STAB1: variants seen among roughly 807,000 people sequenced by gnomAD.
The protein encoded by STAB1 is stabilin 1, also known as stabilin-1.
In STAB1, 250 loss-of-function variants were observed where a neutral mutation model predicts 332.4. The observed-to-expected ratio is 0.75, with a 90% CI of 0.68 to 0.84. The LOEUF is 0.84. STAB1 is among the 40% of genes least tolerant of loss of function. The pLI is 0.00. For missense variants in STAB1, 3,249 were observed against 3,489.7 expected, an observed-to-expected ratio of 0.93 and a Z score of 1.74; for synonymous variants, 1,475 against 1,390.4, an observed-to-expected ratio of 1.06 and a Z score of -1.35.
In STAB1 at chr3:52,519,696, G is replaced by A. The variant is rs539875042; in HGVS notation, c.5235+132G>A. On this transcript the variant is annotated intron_variant, in intron 50 of 68. Coordinates refer to ENST00000321725, the MANE Select transcript of STAB1 (RefSeq NM_015136.3). ...CCCGTGTGAGCCTGTGTGAACTCAT[G>A]TGTGCACAAGCCACATCTGTGTGCA... is the stretch of plus-strand genomic sequence containing the variant. 1.3e-5 allele frequency: 17 copies of A among 1,346,762 alleles called. No individual in the cohort carries two copies. The African/African-American group carries it at 1.9e-4, about 15-fold the overall frequency. 83.4% of individuals were successfully genotyped at this position (1,346,762 alleles called of 1,614,324 possible). A position where few individuals can be genotyped will look rare whatever the true frequency, so the allele number is the denominator to read the frequency against.
chr3:52,501,368 G>A, intron 2 of STAB1, 66 bp downstream of exon 2: 1 of 1,581,040 alleles, frequency 6.3e-7, no homozygotes, highest in Non-Finnish European at 8.6e-7. Flanking sequence ...GACTCGGGGA[G>A]CCTGACAGGC....
At position 52,513,140 on chromosome 3, in the gene STAB1, C is replaced by A; in HGVS notation, c.3169C>A (p.Leu1057Ile). The A allele has an allele frequency of 6.4e-7, 1 of 1,568,592 alleles. No homozygotes were observed. The highest frequency in any genetic ancestry group is 1.2e-5 in the South Asian group (1 of 85,372). The stretch of plus-strand genomic sequence containing the variant: ...ACTGTGCCCTGTCAGGGCCCATTTT[C>A]TCCAGGGTGCCCTCTTCGAGGAGGA... ...TLPNLVRAHFLQGALFEEELA... is the reference protein window; with the variant it reads ...TLPNLVRAHFIQGALFEEELA... The change falls in exon 30 of 69, where the codon CTC (leucine) becomes ATC (isoleucine). Residue 1057 changes from leucine (L) to isoleucine (I), a missense_variant. Leu to Ile is a conservative substitution (Grantham distance 5). Transcript: ENST00000321725.
chr3:52,521,758 G>C, intron 57 of STAB1, 58 bp downstream of exon 57: 1 of 1,606,544 alleles, frequency 6.2e-7, no homozygotes, highest in South Asian at 1.1e-5. Context: ...GCACACATCA[G>C]TAAAGGCACC....
At chr3:52,506,416 G>C (rs1041650342) in intron 17 of STAB1, among the ~76,000 whole-genome samples, 166 bp downstream of exon 17, 1 of 152,254 alleles carries the variant, frequency 6.6e-6, no homozygotes, top group African/African-American at 2.4e-5. Context: ...CTCTGCTGGG[G>C]CCCAATGAGA....
chr3:52,513,684 C>T, intron 30 of STAB1, 33 bp from the exon 31 acceptor site: 1 of 1,603,402 alleles, frequency 6.2e-7, no homozygotes. Flanking sequence ...TATCTGTGCC[C>T]ACCTGTGGCT....
At position 52,513,745 on chromosome 3, in the gene STAB1, A is replaced by G. The variant is rs1476160634; in HGVS notation, c.3299A>G (p.Asp1100Gly). The change falls in exon 31 of 69, where the codon GAT (aspartate) becomes GGT (glycine). Residue 1100 changes from aspartate to glycine, a missense_variant. Asp to Gly is a moderately conservative substitution (Grantham distance 94). Coordinates refer to ENST00000321725, the MANE Select transcript of STAB1 (RefSeq NM_015136.3). ...GTCTGGGTGCAGAATGCCAGCGTGG[A>G]TGTGGCTGACCTCCTTGCCACCAAC... is the stretch of plus-strand genomic sequence containing the variant. Reference protein sequence around the residue: ...GRVWVQNASVDVADLLATNGV... With the variant: ...GRVWVQNASVGVADLLATNGV... 6 of 1,613,290 alleles carry G rather than the reference A, an allele frequency of 3.7e-6. No individual in the cohort carries two copies. Among genetic ancestry groups the G allele is most frequent in the Non-Finnish European group, 5.1e-6 (6 of 1,180,000 alleles).
chr3:52,503,662 G>T lies in STAB1; in HGVS notation c.892-110G>T, dbSNP rs987945720. 5.7e-6 allele frequency: 9 copies of T among 1,568,038 alleles called. No homozygotes were observed. The African/African-American group carries it at 9.4e-5, about 16-fold the overall frequency. ...TTCCCCACTTGTAAAGTGGGGAGAG[G>T]ATAAGGGTCCTCTTCAGGGAGGGGC... On this transcript the variant is annotated intron_variant, in intron 8 of 68. Coordinates refer to ENST00000321725, the MANE Select transcript of STAB1 (RefSeq NM_015136.3).
rs763846866 is a variant in STAB1, at chr3:52,520,229, TG to T, written c.5441del (p.Gly1814AlafsTer70). 6.2e-6 allele frequency: 10 copies of T among 1,613,146 alleles called. No homozygotes were observed. On this transcript the variant is annotated frameshift_variant, in exon 52 of 69. Transcript: ENST00000321725. LOFTEE classifies it high-confidence loss of function. The stretch of plus-strand genomic sequence containing the variant: ...GCCTTGGCATCTGACCTGCCCAACC[TG>T]GGCCCACTTCGAACCATGCATGGGA... The part of the protein sequence containing the change: ...VEALASDLPN[L>X]GPLRTMHGTP...
Position 52,503,530 on chromosome 3 carries a change from A to G in STAB1, c.881A>G (p.Lys294Arg), listed in dbSNP as rs747493126. 6.2e-7 allele frequency: 1 copy of G among 1,613,292 alleles called. No homozygotes were observed. The highest frequency in any genetic ancestry group is 1.7e-5 in the Admixed American group (1 of 60,022). The change falls in exon 8 of 69, where the codon AAG (lysine) becomes AGG (arginine). Residue 294 changes from lysine to arginine, a missense_variant. By Grantham distance (26) the Lys-to-Arg change is conservative. Coordinates refer to ENST00000321725, the MANE Select transcript of STAB1 (RefSeq NM_015136.3). Reference sequence around the variant, plus strand: ...AACTCTACTTTGTGTGTGTACCAGAAGCCGGGCCAGGTGAGCCAGGGTCCC... The same window carrying G: ...AACTCTACTTTGTGTGTGTACCAGAGGCCGGGCCAGGTGAGCCAGGGTCCC... ...PSNSTLCVYQ[K>R]PGQAFCTCRP...
At chr3:52,519,638 C>G in intron 50 of STAB1, 74 bp downstream of exon 50, 4 of 1,573,088 alleles carry the variant, frequency 2.5e-6, no homozygotes, top group Non-Finnish European at 3.5e-6. Flanking sequence ...GTATGCGTAC[C>G]TGTGTGTGCA....
In STAB1 at chr3:52,511,690, ACCAGTGCAGCC is replaced by A; in HGVS notation, c.2832_2842del (p.Gln944HisfsTer36). 6.2e-7 allele frequency: 1 copy of A among 1,610,752 alleles called. No homozygotes were observed. Among genetic ancestry groups the A allele is most frequent in the Non-Finnish European group, 8.5e-7 (1 of 1,178,698 alleles). On this transcript the variant is annotated frameshift_variant, in exon 26 of 69. Coordinates refer to ENST00000321725, the MANE Select transcript of STAB1 (RefSeq NM_015136.3). LOFTEE classifies it high-confidence loss of function. ...AAGCTGGGCTTTGCCGGGGATGGCT[ACCAGTGCAGCC>A]CCATCGACCCCTGCCGGGCAGGCAA...
chr3:52,501,797 C>T (rs1330597222), intron 3 of STAB1, 44 bp downstream of exon 3: 3 of 1,531,658 alleles, frequency 2.0e-6, no homozygotes, highest in Admixed American at 3.9e-5. Flanking sequence ...CCCACCCAGC[C>T]CCAGCTCTGG....
chr3:52,509,079 G>T, intron 21 of STAB1, 131 bp from the exon 22 acceptor site: 1 of 784,666 alleles, frequency 1.3e-6, no homozygotes, highest in Non-Finnish European at 2.0e-6. Context: ...TGATTTTGAA[G>T]ATCCCTTCCA....
chr3:52,509,138 A>C, intron 21 of STAB1, 72 bp from the exon 22 acceptor site: 2 of 1,375,732 alleles, frequency 1.5e-6, no homozygotes, highest in South Asian at 1.3e-5. Context: ...CCATGAAAGG[A>C]GGGGGTGTTG....
chr3:52,505,661 A>G lies in STAB1; in HGVS notation c.1582-7A>G, dbSNP rs111466273. The G allele has an allele frequency of 6.5e-3, 10,541 of 1,612,830 alleles. 78 individuals carry two copies. The highest frequency in any genetic ancestry group is 0.025 in the South Asian group (2,239 of 91,028). The stretch of plus-strand genomic sequence containing the variant: ...CAACCCCCTGAGCCTCCCTTGCACC[A>G]CCACAGAACTGTGGGCTGCCCTCCA... On this transcript the variant is annotated splice_polypyrimidine_tract_variant and splice_region_variant and intron_variant, in intron 14 of 68. Coordinates refer to ENST00000321725, the MANE Select transcript of STAB1 (RefSeq NM_015136.3).
intron 28 of STAB1, 71 bp downstream of exon 28, chr3:52,512,714 A>G: frequency 1.2e-6 from 2 of 1,611,976 alleles, no homozygotes; most frequent in Non-Finnish European, 1.7e-6. Context: ...GGGGTGCCAT[A>G]TAACATCTCC....
At chr3:52,510,551 A>C in intron 25 of STAB1, 44 bp downstream of exon 25, 1 of 1,578,542 alleles carries the variant, frequency 6.3e-7, no homozygotes. Flanking sequence ...GTTCTGGGGG[A>C]CTCTCTCCCT....
Position 52,519,293 on chromosome 3 carries a change from C to G in STAB1, c.5064C>G (p.Arg1688=). 1 of 1,613,040 alleles carries G rather than the reference C, an allele frequency of 6.2e-7. No individual in the cohort carries two copies. The highest frequency in any genetic ancestry group is 8.5e-7 in the Non-Finnish European group (1 of 1,179,992). ...EGSIYLNDFA[R]VVSSDHEAVN... ...GCATATACCTCAATGACTTCGCGCGCGTGGTGAGCAGCGACCATGAGGCCG... is the reference window on the plus strand; with the variant it reads ...GCATATACCTCAATGACTTCGCGCGGGTGGTGAGCAGCGACCATGAGGCCG... Residue 1688 remains arginine (R), a synonymous_variant, in exon 49 of 69, where the codon CGC becomes CGG. Transcript: ENST00000321725.
In STAB1 at chr3:52,523,079, A is replaced by T. The variant is rs767585623; in HGVS notation, c.6965A>T (p.Asn2322Ile). The change falls in exon 63 of 69, where the codon AAT becomes ATT. Residue 2322 changes from asparagine to isoleucine, a missense_variant. Physicochemically the swap from Asn to Ile is moderately radical, Grantham distance 149. Transcript: ENST00000321725. ...GFVGDGISTC[N>I]GKLLDVLAAT... ...GTGGGTGACGGGATCAGCACGTGCAATGGGAAGCTGCTGGATGTGCTGGCT... is the reference window on the plus strand; with the variant it reads ...GTGGGTGACGGGATCAGCACGTGCATTGGGAAGCTGCTGGATGTGCTGGCT... 3 of 1,571,462 alleles carry T rather than the reference A, an allele frequency of 1.9e-6. No individual in the cohort carries two copies. Among genetic ancestry groups the T allele is most frequent in the East Asian group, 2.2e-5 (1 of 44,520 alleles).
Sources: gnomAD v4.1 joint callset for allele counts (sites outside exome capture counted in the v4.1 genomes callset) on GRCh38, gnomAD v4.1.1 for gene constraint, MANE v1.5 for transcripts, NCBI Gene and HGNC (gene_info 2026-07-23, HGNC 2026-07-21) for gene names.